The following ANK3 variants were observed in gnomAD, a reference collection of about 807,000 sequenced individuals.
ANK3 encodes ankyrin-3.
In ANK3, 57 loss-of-function variants were observed where a neutral mutation model predicts 370.9. The ratio of observed to expected loss-of-function variants is 0.15; its 90% CI spans 0.12 to 0.19. ANK3 has a LOEUF of 0.19. Ranked by LOEUF, ANK3 falls within the 10% of genes least tolerant of loss-of-function variation. The pLI is 1.00. For missense variants in ANK3, 4,439 were observed against 5,302.1 expected (o/e 0.84, Z 5.06); for synonymous variants, 1,929 against 1,946.3 (o/e 0.99, Z 0.23).
At chr10:60,393,788 T>C (rs2063160431), upstream of ANK3, among the ~76,000 whole-genome samples, 1 of 152,164 alleles carries the variant, frequency 6.6e-6, no homozygotes, top group Non-Finnish European at 1.5e-5. Flanking sequence ...AATAACAACA[T>C]ATGCGGTTTC....
intron 1 of ANK3, among the ~76,000 whole-genome samples, chr10:60,660,649 T>A (rs142579660): frequency 2.6e-5 from 4 of 151,996 alleles, no homozygotes; most frequent in Non-Finnish European, 4.4e-5. Flanking sequence ...AGAAATGCGA[T>A]GGAATAGGGA....
At chr10:60,489,807 C>T (rs2075446643) in intron 2 of ANK3, among the ~76,000 whole-genome samples, 1 of 152,152 alleles carries the variant, frequency 6.6e-6, no homozygotes, top group African/African-American at 2.4e-5. Context: ...AACATATCTC[C>T]ATTAATGAAC....
chr10:60,389,144 G>A (rs1466933116), intron 1 of ANK3, among the ~76,000 whole-genome samples: 1 of 152,058 alleles, frequency 6.6e-6, no homozygotes, highest in African/African-American at 2.4e-5. Context: ...CTCCCTCACA[G>A]CACCTTTCCA....
At chr10:60,201,979 T>A (rs1252683301) in intron 12 of ANK3, among the ~76,000 whole-genome samples, 1 of 152,084 alleles carries the variant, frequency 6.6e-6, no homozygotes, top group Non-Finnish European at 1.5e-5. Flanking sequence ...CCTCCCAAAG[T>A]GCTGGGATTA....
chr10:60,682,000 A>C (rs1471471645), intron 1 of ANK3, among the ~76,000 whole-genome samples: 2 of 152,082 alleles, frequency 1.3e-5, no homozygotes, highest in African/African-American at 4.8e-5. Flanking sequence ...AAAAATGAAA[A>C]ATTAGCTGGG....
chr10:60,060,919 C>A (rs902967861), intron 40 of ANK3, among the ~76,000 whole-genome samples: 8 of 152,120 alleles, frequency 5.3e-5, no homozygotes, highest in African/African-American at 1.9e-4. Flanking sequence ...GGGAACGAAT[C>A]CCTTGTTTTA....
chr10:60,052,347 A>G (rs1248513590), intron 42 of ANK3, among the ~76,000 whole-genome samples: 1 of 152,222 alleles, frequency 6.6e-6, no homozygotes, highest in African/African-American at 2.4e-5. Flanking sequence ...AACAACAACA[A>G]GTAAAGAATT....
intron 7 of ANK3, among the ~76,000 whole-genome samples, chr10:60,248,151 T>C (rs2097584239): frequency 6.6e-6 from 1 of 152,208 alleles, no homozygotes; most frequent in Non-Finnish European, 1.5e-5. Flanking sequence ...CATGTACAAA[T>C]ACCTCTTGAG....
chr10:60,463,644 T>C (rs1341391767), intron 2 of ANK3, among the ~76,000 whole-genome samples: 2 of 152,150 alleles, frequency 1.3e-5, no homozygotes, highest in East Asian at 3.9e-4. Flanking sequence ...ACTGTTCCAT[T>C]TTATTCTCAA....
chr10:60,375,452 G>A (rs2060646222), intron 1 of ANK3, among the ~76,000 whole-genome samples: 1 of 151,986 alleles, frequency 6.6e-6, no homozygotes, highest in Admixed American at 6.6e-5. Context: ...CTGCCAGTGG[G>A]AGGCCTTTAG....
rs538354013 is a variant in ANK3 at position 60,166,651 on chromosome 10, G to C, written c.2554C>G (p.Arg852Gly). The C allele has an allele frequency of 5.6e-6, 9 of 1,613,456 alleles. No individual in the cohort carries two copies. The Admixed American group carries it at 1.5e-4, about 27-fold the overall frequency. The stretch of plus-strand genomic sequence containing the variant: ...AGCATTTCAGGGGCATTGGCTTTAC[G>C]AACTGCATGATTGAAGTGAACAATA... ...EVLDMSDDEVRKANAPEMLSD... is the reference protein window; with the variant it reads ...EVLDMSDDEVGKANAPEMLSD... The change falls in exon 23 of 44, where the codon CGT becomes GGT. Residue 852 changes from arginine to glycine, a missense_variant and splice_region_variant. By Grantham distance (125) the Arg-to-Gly change is moderately radical. Coordinates refer to ENST00000280772, the MANE Select transcript of ANK3 (RefSeq NM_020987.5).
At chr10:60,733,376 C>T (rs1256697748) in exon 1 of ANK3, 4 of 1,219,326 alleles carry the variant, frequency 3.3e-6, no homozygotes, top group Non-Finnish European at 4.1e-6. Context: ...CTCCCCGTCC[C>T]GCTCCTCGGG....
At chr10:60,509,633 T>C (rs1044185229) in intron 2 of ANK3, among the ~76,000 whole-genome samples, 1 of 152,182 alleles carries the variant, frequency 6.6e-6, no homozygotes, top group African/African-American at 2.4e-5. Flanking sequence ...AGGAAGAGTC[T>C]GCAATTGTGC....
chr10:60,182,292 A>G (rs2096216123), intron 17 of ANK3, among the ~76,000 whole-genome samples: 1 of 152,184 alleles, frequency 6.6e-6, no homozygotes, highest in Admixed American at 6.5e-5. Flanking sequence ...ATGTGAATGC[A>G]AGATCATGAC....
At chr10:60,065,051 T>C (rs2081366368) in intron 38 of ANK3, among the ~76,000 whole-genome samples, 1 of 152,178 alleles carries the variant, frequency 6.6e-6, no homozygotes, top group Non-Finnish European at 1.5e-5. Context: ...ACTCACATAA[T>C]ATGCCACCCT....
Position 60,083,565 on chromosome 10 carries a change from A to T in ANK3, c.4127T>A (p.Leu1376His). ...YVDCYGNLAP[L>H]TKGGQQLVFN... ...AACAAGTTGCTGTCCTCCTTTGGTA[A>T]GTGGGGCCAAATTTCCATAACAATC... Residue 1376 changes from leucine to histidine, a missense_variant, in exon 33 of 44, where the codon CTT (leucine) becomes CAT (histidine). Physicochemically the swap from Leu to His is moderately conservative, Grantham distance 99. Transcript: ENST00000280772. The T allele has an allele frequency of 6.2e-7, 1 of 1,611,768 alleles. No individual in the cohort carries two copies. The highest frequency in any genetic ancestry group is 8.5e-7 in the Non-Finnish European group (1 of 1,178,852).
chr10:60,428,744 C>A (rs1363243402), intron 2 of ANK3, among the ~76,000 whole-genome samples: 1 of 152,138 alleles, frequency 6.6e-6, no homozygotes, highest in African/African-American at 2.4e-5. Flanking sequence ...TAATTTCCAA[C>A]AAGGTTTCCA....
intron 2 of ANK3, among the ~76,000 whole-genome samples, chr10:60,538,136 G>A (rs1478523085): frequency 6.6e-6 from 1 of 151,728 alleles, no homozygotes; most frequent in Admixed American, 6.6e-5. Flanking sequence ...TATTTGGGTT[G>A]GGTCATATGT....
intron 1 of ANK3, among the ~76,000 whole-genome samples, chr10:60,639,624 T>C (rs2078602333): frequency 6.6e-6 from 1 of 151,882 alleles, no homozygotes; most frequent in Admixed American, 6.6e-5. Flanking sequence ...ACATGGGTGG[T>C]ATATTAGAAT....
Sources: gnomAD v4.1 joint callset for allele counts (sites outside exome capture counted in the v4.1 genomes callset) on GRCh38, gnomAD v4.1.1 for gene constraint, MANE v1.5 for transcripts, NCBI Gene and HGNC (gene_info 2026-07-23, HGNC 2026-07-21) for gene names.